ERMP1: variants seen among roughly 807,000 people sequenced by gnomAD.
The protein encoded by ERMP1 is Felix-ina.
A neutral mutation model predicts 92.0 loss-of-function variants in ERMP1; 86 were observed. The ratio of observed to expected loss-of-function variants is 0.93; its 90% confidence interval spans 0.79 to 1.12. ERMP1 has a LOEUF of 1.12. Ranked by LOEUF, ERMP1 falls within the 50% of genes most tolerant of loss-of-function variation. The probability of loss-of-function intolerance (pLI) is 0.00; values close to 1 mark genes in which losing one functional copy is unlikely to be tolerated. For missense variants in ERMP1, 1,342 were observed against 1,116.3 expected, an observed-to-expected ratio of 1.20 and a Z score of -2.88; for synonymous variants, 530 against 412.8, an observed-to-expected ratio of 1.28 and a Z score of -3.44.
chr9:5,803,032 CAAAA>C (rs1421928735), intron 10 of ERMP1, among the ~76,000 whole-genome samples: 1 of 138,884 alleles, frequency 7.2e-6, no homozygotes, highest in African/African-American at 2.5e-5. Context: ...GACTCTGTCT[CAAAA>C]ACAAACAAAC....
At chr9:5,859,523 G>C (rs539193732) in exon 6 of ERMP1, among the ~76,000 whole-genome samples, 3 of 152,306 alleles carry the variant, frequency 2.0e-5, no homozygotes, top group South Asian at 4.1e-4. Context: ...TCCTGGCCTA[G>C]AAATGGCAAG....
chr9:5,810,321 A>G, intron 7 of ERMP1, 90 bp from the exon 8 acceptor site: 1 of 860,798 alleles, frequency 1.2e-6, no homozygotes, highest in Non-Finnish European at 1.8e-6. Flanking sequence ...CAAACATTAA[A>G]ACAAAAAACT....
At chr9:5,793,311 G>C (rs764084310) in intron 13 of ERMP1, among the ~76,000 whole-genome samples, 3 of 151,576 alleles carry the variant, frequency 2.0e-5, no homozygotes, top group Non-Finnish European at 2.9e-5. Context: ...GCTAAGAAAG[G>C]AGAGAAAACC....
At chr9:5,840,672 C>G (rs1208372865) in intron 6 of ERMP1, among the ~76,000 whole-genome samples, 1 of 152,194 alleles carries the variant, frequency 6.6e-6, no homozygotes, top group African/African-American at 2.4e-5. Flanking sequence ...CTGTAACCTG[C>G]GGTGTATCCT....
At chr9:5,811,980 C>A (rs1052059035) in intron 6 of ERMP1, 145 bp downstream of exon 6, 1 of 538,212 alleles carries the variant, frequency 1.9e-6, no homozygotes, top group Non-Finnish European at 3.3e-6. Context: ...AATTCAAGAT[C>A]TCATCTCTCC....
chr9:5,856,228 C>A, intron 6 of ERMP1: 1 of 289,480 alleles, frequency 3.5e-6, no homozygotes, highest in South Asian at 3.7e-5. Flanking sequence ...TTCTCCAACT[C>A]TGACACCATT....
In ERMP1 at chr9:5,805,114, G is replaced by A. The variant is rs1828820498; in HGVS notation, c.1827C>T (p.Ile609=). ...GGATTTCAGAACCACTTCTCCCGAG[G>A]ATAGGGGTAAACATCTCAAATACTG... ...IWAVFEMFTP[I]LGRSGSEIPP... Residue 609 remains isoleucine (I), a synonymous_variant, in exon 10 of 15, where the codon ATC becomes ATT. Transcript: ENST00000339450. 3 of 1,613,512 alleles carry A rather than the reference G, an allele frequency of 1.9e-6. No homozygotes were observed. Among genetic ancestry groups the A allele is most frequent in the South Asian group, 1.1e-5 (1 of 91,032 alleles).
At chr9:5,813,266 AGTCT>A (rs1489896272) in intron 4 of ERMP1, among the ~76,000 whole-genome samples, 3 of 152,206 alleles carry the variant, frequency 2.0e-5, no homozygotes, top group Non-Finnish European at 2.9e-5. Context: ...GCAATACAAA[AGTCT>A]GTCTGAAAAT....
chr9:5,862,019 G>C (rs892630661), intron 5 of ERMP1, among the ~76,000 whole-genome samples: 6 of 151,616 alleles, frequency 4.0e-5, no homozygotes, highest in Non-Finnish European at 8.8e-5. Flanking sequence ...TTTAAAAAAA[G>C]TATGTATGTA....
At chr9:5,812,606 A>C in intron 5 of ERMP1, 1 of 457,116 alleles carries the variant, frequency 2.2e-6, no homozygotes, top group South Asian at 2.5e-5. Flanking sequence ...GACAACAACG[A>C]AAGACCCCTG....
At chr9:5,850,405 C>CAAA (rs59464514) in intron 6 of ERMP1, among the ~76,000 whole-genome samples, 1,119 of 40,224 alleles carry the variant, frequency 0.028, 112 homozygotes, top group African/African-American at 0.066. Context: ...AACTCCGTCT[C>CAAA]AAAAAAAAAA....
intron 6 of ERMP1, among the ~76,000 whole-genome samples, chr9:5,844,744 G>T (rs959928140): frequency 3.3e-5 from 5 of 152,078 alleles, no homozygotes; most frequent in African/African-American, 9.7e-5. Flanking sequence ...TTTATATATG[G>T]GTGGATTTTT....
At chr9:5,819,249 T>G (rs1333158146) in intron 4 of ERMP1, among the ~76,000 whole-genome samples, 1 of 151,736 alleles carries the variant, frequency 6.6e-6, no homozygotes, top group Non-Finnish European at 1.5e-5. Flanking sequence ...AAAAATGAAG[T>G]ACTAATACAT....
intron 13 of ERMP1, among the ~76,000 whole-genome samples, chr9:5,795,275 G>A (rs936346184): frequency 1.3e-5 from 2 of 152,090 alleles, no homozygotes; most frequent in African/African-American, 2.4e-5. Flanking sequence ...ACCAAAAAAC[G>A]TATAGCTAAC....
chr9:5,787,265 G>T lies in ERMP1; in HGVS notation c.2594C>A (p.Ala865Asp). The T allele has an allele frequency of 6.2e-7, 1 of 1,614,014 alleles. No individual in the cohort carries two copies. Among genetic ancestry groups the T allele is most frequent in the Non-Finnish European group, 8.5e-7 (1 of 1,179,976 alleles). ...HPEGMVTVAI[A>D]AHYLSGEDKR... ...GTCTTCCCCAGACAGATAGTGGGCA[G>T]CAATGGCCACGGTGACCATTCCTTC... is the stretch of plus-strand genomic sequence containing the variant. Residue 865 changes from alanine (A) to aspartate (D), a missense_variant, in exon 15 of 15, where the codon GCT becomes GAT. By Grantham distance (126) the Ala-to-Asp change is moderately radical. Transcript: ENST00000339450.
At chr9:5,819,137 T>C (rs1829430251) in intron 4 of ERMP1, among the ~76,000 whole-genome samples, 1 of 152,252 alleles carries the variant, frequency 6.6e-6, no homozygotes, top group Middle Eastern at 3.4e-3. Context: ...TCCAGCATTA[T>C]CATAAAAGTC....
rs545133311 is a variant in ERMP1 at position 5,786,395 on chromosome 9, C to A, written c.*749G>T. ...CTACGAAAACCAGAGGGGTATGTGG[C>A]CAAATATTCCCCTTTTCAACTTGGT... On this transcript the variant is annotated 3_prime_UTR_variant, in exon 15 of 15. Transcript: ENST00000339450. 2.0e-5 allele frequency: 3 copies of A among 152,320 alleles called. No homozygotes were observed. In the South Asian group the frequency reaches 6.2e-4, roughly 32 times the overall value. 9.4% of individuals were successfully genotyped at this position (152,320 alleles called of 1,614,324 possible).
intron 10 of ERMP1, among the ~76,000 whole-genome samples, chr9:5,803,807 A>G (rs1828765046): frequency 6.6e-6 from 1 of 152,192 alleles, no homozygotes; most frequent in Non-Finnish European, 1.5e-5. Context: ...ATGAATACCA[A>G]TAAGGATTAT....
intron 13 of ERMP1, among the ~76,000 whole-genome samples, chr9:5,793,383 A>T (rs1828284025): frequency 6.6e-6 from 1 of 152,168 alleles, no homozygotes; most frequent in Non-Finnish European, 1.5e-5. Context: ...AGACAAAAAC[A>T]GGAAGAAAAA....
Sources: gnomAD v4.1 joint callset for allele counts (sites outside exome capture counted in the v4.1 genomes callset) on GRCh38, gnomAD v4.1.1 for gene constraint, MANE v1.5 for transcripts, NCBI Gene and HGNC (gene_info 2026-07-23, HGNC 2026-07-21) for gene names.